PC: variants seen among roughly 807,000 people sequenced by gnomAD.
PC encodes pyruvate carboxylase, also known as pyruvate carboxylase, mitochondrial.
Under a neutral mutation model 107.8 loss-of-function variants are expected in PC, and 46 were observed. That is an observed-to-expected ratio of 0.43 (90% CI 0.34 to 0.55). The LOEUF is 0.55. Ranked by LOEUF, PC falls within the 20% of genes least tolerant of loss-of-function variation. The probability of loss-of-function intolerance (pLI) is 0.04; values close to 1 mark genes in which losing one functional copy is unlikely to be tolerated. For missense variants in PC, 1,241 were observed against 1,643.1 expected, an observed-to-expected ratio of 0.76 and a Z score of 4.23; for synonymous variants, 662 against 684.7, an observed-to-expected ratio of 0.97 and a Z score of 0.52.
chr11:66,873,485 T>G (rs1946844026), intron 3 of PC, among the ~76,000 whole-genome samples: 1 of 63,664 alleles, frequency 1.6e-5, no homozygotes, highest in Non-Finnish European at 2.8e-5. Flanking sequence ...TAATATATAA[T>G]ATTATATATA....
chr11:66,951,783 G>A (rs1014549158), intron 3 of PC, among the ~76,000 whole-genome samples: 1 of 151,980 alleles, frequency 6.6e-6, no homozygotes, highest in African/African-American at 2.4e-5. Context: ...CCAGCTACTC[G>A]GGAGGCTGAG....
At chr11:66,865,925 T>C (rs1313645025) in intron 11 of PC, among the ~76,000 whole-genome samples, 1 of 152,138 alleles carries the variant, frequency 6.6e-6, no homozygotes, top group African/African-American at 2.4e-5. Flanking sequence ...TCCCTGCGTT[T>C]TGCTCCACCA....
rs199565222 is a variant in PC, at chr11:66,868,981, G to A, written c.904-17C>T. The A allele has an allele frequency of 1.3e-3, 2,106 of 1,589,136 alleles. 11 individuals carry two copies. Among genetic ancestry groups the A allele is most frequent in the South Asian group, 5.4e-3 (485 of 90,552 alleles). On this transcript the variant is annotated splice_polypyrimidine_tract_variant and intron_variant, in intron 9 of 22. Coordinates refer to ENST00000393960, the MANE Select transcript of PC (RefSeq NM_001040716.2). Reference sequence around the variant, plus strand: ...GTAGCCCACCTGTGGGGGCGGCCACGTGAGCAGGGGAGGGCACAGGCAGGG... The same window carrying A: ...GTAGCCCACCTGTGGGGGCGGCCACATGAGCAGGGGAGGGCACAGGCAGGG...
rs141037958 is a variant in PC, at chr11:66,929,548, G to A, written c.-1+22882C>T. Among the ~76,000 whole-genome samples the A allele has an allele frequency of 9.3e-3, 1,409 of 152,162 alleles. 11 individuals carry two copies. The highest frequency in any genetic ancestry group is 0.013 in the Non-Finnish European group (867 of 68,012). Reference sequence around the variant, plus strand: ...TGCCCGGCTAATTTTTGTATTTTTAGTAGAGACAAGGTTTCACCATGTTGA... The same window carrying A: ...TGCCCGGCTAATTTTTGTATTTTTAATAGAGACAAGGTTTCACCATGTTGA... On this transcript the variant is annotated intron_variant, in intron 3 of 22. Coordinates refer to ENST00000393960, the MANE Select transcript of PC (RefSeq NM_001040716.2).
chr11:66,853,141 A>G, intron 13 of PC, 98 bp downstream of exon 13: 1 of 1,394,138 alleles, frequency 7.2e-7, no homozygotes, highest in Non-Finnish European at 9.9e-7. Flanking sequence ...GGGGGCACTA[A>G]GGAGTTCTTT....
At chr11:66,920,867 G>A (rs980937628) in intron 3 of PC, among the ~76,000 whole-genome samples, 2 of 151,972 alleles carry the variant, frequency 1.3e-5, no homozygotes, top group African/African-American at 4.8e-5. Context: ...GTGAAACCCC[G>A]TCTCTATTAA....
Position 66,857,954 on chromosome 11 carries a change from C to T in PC, c.1369-4571G>A, listed in dbSNP as rs928857676. The T allele has an allele frequency of 6.2e-7, 1 of 1,612,462 alleles. No homozygotes were observed. Among genetic ancestry groups the T allele is most frequent in the African/African-American group, 1.3e-5 (1 of 74,918 alleles). On this transcript the variant is annotated intron_variant, in intron 12 of 22. Transcript: ENST00000393960. The surrounding 1 kb of genome is among the most constrained non-coding windows in gnomAD (Gnocchi z 7.1). ...CCCTGGGGCCCCCTGACTTCCGCAA[C>T]ATGACGGGACTGGTGGACCTGACAC...
intron 1 of PC, among the ~76,000 whole-genome samples, chr11:66,954,918 G>A (rs1236448986): frequency 2.6e-5 from 4 of 151,876 alleles, no homozygotes; most frequent in Admixed American, 6.6e-5. Flanking sequence ...ACTGCAGCCT[G>A]GGCAACAAAA....
chr11:66,946,800 C>T (rs1949307827), intron 3 of PC, among the ~76,000 whole-genome samples: 1 of 152,026 alleles, frequency 6.6e-6, no homozygotes, highest in East Asian at 1.9e-4. Context: ...AAACAAAAAA[C>T]ATGTAACTGA....
rs1946733873 is a variant in PC, at chr11:66,871,556, A to G, written c.322-76T>C. ...CCTCGGCCAGCCTCTTCCCCTGCCT[A>G]ACCTGCTGAGCTGCATCCGTTTACC... On this transcript the variant is annotated intron_variant, in intron 5 of 22. Transcript: ENST00000393960. The surrounding 1 kb of genome is among the most constrained non-coding windows in gnomAD (Gnocchi z 7.4). 6.3e-7 allele frequency: 1 copy of G among 1,598,582 alleles called. No homozygotes were observed. The highest frequency in any genetic ancestry group is 1.7e-5 in the Admixed American group (1 of 59,968).
chr11:66,888,545 C>T (rs989101051), intron 3 of PC, among the ~76,000 whole-genome samples: 2 of 151,866 alleles, frequency 1.3e-5, no homozygotes, highest in African/African-American at 4.8e-5. Context: ...AGGCCCAGGT[C>T]GCTCGCTGTC....
At chr11:66,904,529 T>C (rs760658597) in intron 3 of PC, among the ~76,000 whole-genome samples, 14 of 152,180 alleles carry the variant, frequency 9.2e-5, no homozygotes, top group Admixed American at 3.3e-4. Context: ...TCCCAGCTAC[T>C]CAGGAGGCTG....
intron 1 of PC, among the ~76,000 whole-genome samples, chr11:66,955,833 C>G (rs528158326): frequency 9.9e-5 from 15 of 151,248 alleles, no homozygotes; most frequent in Non-Finnish European, 2.1e-4. Flanking sequence ...AGTGCAGGGG[C>G]GTGATCTCAG....
At chr11:66,864,940 G>A (rs2135909880) in intron 11 of PC, among the ~76,000 whole-genome samples, 1 of 152,360 alleles carries the variant, frequency 6.6e-6, no homozygotes, top group African/African-American at 2.4e-5. Flanking sequence ...GCAGAGGCCT[G>A]TGTTCAATAA....
intron 3 of PC, among the ~76,000 whole-genome samples, chr11:66,894,952 G>T (rs1375162244): frequency 2.0e-5 from 3 of 151,732 alleles, no homozygotes; most frequent in Non-Finnish European, 4.4e-5. Flanking sequence ...AACCCAGGAG[G>T]CGGAAGCTGA....
intron 3 of PC, among the ~76,000 whole-genome samples, chr11:66,937,096 G>A (rs1041425827): frequency 6.6e-6 from 1 of 152,058 alleles, no homozygotes; most frequent in Non-Finnish European, 1.5e-5. Flanking sequence ...CACCCGTCTG[G>A]GCCTCCCAAA....
Position 66,848,849 on chromosome 11 carries a change from A to G in PC, c.*50T>C, listed in dbSNP as rs1335541046. 3.7e-6 allele frequency: 6 copies of G among 1,612,110 alleles called. No individual in the cohort carries two copies. Among genetic ancestry groups the G allele is most frequent in the Non-Finnish European group, 5.1e-6 (6 of 1,179,786 alleles). On this transcript the variant is annotated 3_prime_UTR_variant, in exon 23 of 23. Coordinates refer to ENST00000393960, the MANE Select transcript of PC (RefSeq NM_001040716.2). ...TGGCCTGGGCCTGCCGTGGCAGCAC[A>G]GCTTCTGTTGAAGGCTTGGGGATGG... is the stretch of plus-strand genomic sequence containing the variant.
rs377766432 is a variant in PC at position 66,851,952 on chromosome 11, C to T, written c.1826-6G>A. 5.0e-6 allele frequency: 8 copies of T among 1,613,602 alleles called. No individual in the cohort carries two copies. Among genetic ancestry groups the T allele is most frequent in the Non-Finnish European group, 6.8e-6 (8 of 1,179,982 alleles). ...GGCGACGTCAAACGTGGCTCCTGCA[C>T]AGGAACCGAGAGGCCCAGATCAGCT... On this transcript the variant is annotated splice_region_variant and splice_polypyrimidine_tract_variant and intron_variant, in intron 15 of 22. Coordinates refer to ENST00000393960, the MANE Select transcript of PC (RefSeq NM_001040716.2).
At chr11:66,869,036 G>C in intron 9 of PC, 72 bp from the exon 10 acceptor site, 2 of 1,161,882 alleles carry the variant, frequency 1.7e-6, no homozygotes, top group Non-Finnish European at 1.3e-6. Flanking sequence ...CTCAGGACAG[G>C]GATTCCGTCC....
Sources: gnomAD v4.1 joint callset for allele counts (sites outside exome capture counted in the v4.1 genomes callset) on GRCh38, gnomAD v4.1.1 for gene constraint, Gnocchi (gnomAD v3.1) non-coding constraint, MANE v1.5 for transcripts, NCBI Gene and HGNC (gene_info 2026-07-23, HGNC 2026-07-21) for gene names.